The following TAPT1 variants were observed in gnomAD, a reference collection of about 807,000 sequenced individuals.
The protein encoded by TAPT1 is transmembrane anterior posterior transformation 1, also known as transmembrane anterior posterior transformation protein 1 homolog.
TAPT1 carries 28 observed loss-of-function variants against 65.6 expected under a neutral mutation model. The observed-to-expected ratio is 0.43, with a 90% CI of 0.32 to 0.59. The LOEUF (loss-of-function observed/expected upper bound fraction) is 0.59, where lower values mean the gene tolerates loss of function less well. TAPT1 is among the 20% of genes least tolerant of loss of function. The pLI is 0.09. For synonymous variants in TAPT1, 278 were observed against 245.2 expected (o/e 1.13, Z -1.25); for missense variants, 563 against 679.9 (o/e 0.83, Z 1.91).
At chr4:16,178,628 G>C (rs557556793) in intron 8 of TAPT1, among the ~76,000 whole-genome samples, 2 of 152,080 alleles carry the variant, frequency 1.3e-5, no homozygotes, top group Non-Finnish European at 2.9e-5. Context: ...TACAAATGTC[G>C]TAGTATTTTT....
At chr4:16,220,327 C>A (rs1751174301) in intron 1 of TAPT1, among the ~76,000 whole-genome samples, 2 of 152,200 alleles carry the variant, frequency 1.3e-5, no homozygotes, top group Admixed American at 1.3e-4. Flanking sequence ...CAGTCACTCT[C>A]ATTTGTTATG....
At chr4:16,195,653 A>G (rs1317799916) in intron 3 of TAPT1, among the ~76,000 whole-genome samples, 2 of 152,170 alleles carry the variant, frequency 1.3e-5, no homozygotes, top group Non-Finnish European at 2.9e-5. Context: ...TTCCATTTCC[A>G]TTGTATTTCT....
chr4:16,188,764 C>A (rs544658111), intron 4 of TAPT1, among the ~76,000 whole-genome samples: 153 of 152,014 alleles, frequency 1.0e-3, no homozygotes, highest in African/African-American at 3.4e-3. Flanking sequence ...ACTAAAAATA[C>A]AAAAAATTAG....
At chr4:16,188,448 GTT>G (rs1255271719) in intron 4 of TAPT1, 93 bp from the exon 5 acceptor site, 7 of 1,066,040 alleles carry the variant, frequency 6.6e-6, no homozygotes, top group Non-Finnish European at 7.8e-6. Context: ...GGAGATCTGT[GTT>G]TTAAATCCTA....
At chr4:16,192,979 A>G (rs1749461319) in intron 3 of TAPT1, among the ~76,000 whole-genome samples, 1 of 152,202 alleles carries the variant, frequency 6.6e-6, no homozygotes, top group Admixed American at 6.5e-5. Context: ...GGAATTTGTA[A>G]ATCTTCCAAA....
intron 12 of TAPT1, 130 bp from the exon 13 acceptor site, chr4:16,166,923 C>T (rs1747668890): frequency 2.5e-6 from 2 of 810,586 alleles, no homozygotes; most frequent in East Asian, 2.8e-5. Context: ...TTTAGAGGAA[C>T]TTACACAAAT....
intron 12 of TAPT1, among the ~76,000 whole-genome samples, chr4:16,168,879 T>A (rs1486995833): frequency 6.6e-6 from 1 of 152,192 alleles, no homozygotes; most frequent in Non-Finnish European, 1.5e-5. Flanking sequence ...CGGCAGAGGC[T>A]GGCAAGTCCT....
chr4:16,189,532 T>C (rs1433831881), intron 4 of TAPT1, among the ~76,000 whole-genome samples: 2 of 152,220 alleles, frequency 1.3e-5, no homozygotes, highest in Admixed American at 1.3e-4. Flanking sequence ...TGAAGTCTAT[T>C]TAATCCTCAT....
At chr4:16,208,958 G>A (rs1193014012) in intron 2 of TAPT1, among the ~76,000 whole-genome samples, 1 of 152,074 alleles carries the variant, frequency 6.6e-6, no homozygotes, top group Non-Finnish European at 1.5e-5. Flanking sequence ...CTGCCTCTGG[G>A]GCTCAAGCAA....
intron 8 of TAPT1, 159 bp from the exon 9 acceptor site, chr4:16,176,387 C>T: frequency 4.1e-6 from 2 of 485,356 alleles, no homozygotes; most frequent in Middle Eastern, 1.0e-3. Flanking sequence ...AAGAGCTATA[C>T]TGTATCAAGT....
At chr4:16,189,142 A>G (rs1201240084) in intron 4 of TAPT1, among the ~76,000 whole-genome samples, 2 of 152,142 alleles carry the variant, frequency 1.3e-5, no homozygotes, top group Non-Finnish European at 2.9e-5. Context: ...AATCTCCTTG[A>G]ATACAGTATA....
At chr4:16,221,630 CATAAAT>C in intron 1 of TAPT1, among the ~76,000 whole-genome samples, 1 of 152,206 alleles carries the variant, frequency 6.6e-6, no homozygotes, top group East Asian at 1.9e-4. Context: ...AATGAGTAAT[CATAAAT>C]ATATTTATAT....
At position 16,161,875 on chromosome 4, in the gene TAPT1, T is replaced by C. The variant is rs1372848074; in HGVS notation, c.*1433A>G. On this transcript the variant is annotated 3_prime_UTR_variant, in exon 14 of 14. Transcript: ENST00000405303. The stretch of plus-strand genomic sequence containing the variant: ...GCCTATGTATGTACGCCTGAAACAT[T>C]TGCATGAGAGCTAAACTTCAAAATC... The C allele has an allele frequency of 6.6e-6, 1 of 152,190 alleles. No individual in the cohort carries two copies. The highest frequency in any genetic ancestry group is 2.4e-5 in the African/African-American group (1 of 41,446). 9.4% of individuals were successfully genotyped at this position (152,190 alleles called of 1,614,324 possible).
At position 16,226,289 on chromosome 4, in the gene TAPT1, G is replaced by A; in HGVS notation, c.169C>T (p.Arg57Trp). 1 of 1,128,278 alleles carries A rather than the reference G, an allele frequency of 8.9e-7. No homozygotes were observed. The highest frequency in any genetic ancestry group is 1.1e-6 in the Non-Finnish European group (1 of 922,428). The allele number at this position is 1,128,278 out of a possible 1,614,324, so 69.9% of individuals were successfully genotyped here. The part of the protein sequence containing the change: ...TETLGFYESD[R>W]RRERRRGRTE... ...CGGCCCCGGCGCCTCTCCCGCCGCC[G>A]GTCGCTCTCGTAGAAGCCCAGCGTC... Residue 57 changes from arginine to tryptophan, a missense_variant, in exon 1 of 14, where the codon CGG becomes TGG. By Grantham distance (101) the Arg-to-Trp change is moderately radical. Around this residue, in one of 5 missense-constraint regions of TAPT1, gnomAD observed 103 missense variants for 89.4 expected, o/e 1.15. Transcript: ENST00000405303.
In TAPT1 at chr4:16,213,698, A is replaced by AT. The variant is rs992942612; in HGVS notation, c.330+69dup. 6.2e-5 allele frequency: 85 copies of AT among 1,369,122 alleles called. No individual in the cohort carries two copies. In the Middle Eastern group the frequency reaches 6.3e-4, roughly 10 times the overall value. The allele number at this position is 1,369,122 out of a possible 1,614,324, so 84.8% of individuals were successfully genotyped here. On this transcript the variant is annotated intron_variant, in intron 2 of 13. Transcript: ENST00000405303. ...AAAAACTCAACTCTAGCTGTTGACCATTTTTTTGCATAATTAATACTTTGA... is the reference window on the plus strand; with the variant it reads ...AAAAACTCAACTCTAGCTGTTGACCATTTTTTTTGCATAATTAATACTTTGA...
At chr4:16,195,537 A>G (rs925405492) in intron 3 of TAPT1, among the ~76,000 whole-genome samples, 3 of 152,252 alleles carry the variant, frequency 2.0e-5, no homozygotes, top group Non-Finnish European at 2.9e-5. Context: ...ATTTTTCAAC[A>G]TAAGACATTT....
At chr4:16,212,631 C>G (rs545714887) in intron 2 of TAPT1, among the ~76,000 whole-genome samples, 1 of 152,300 alleles carries the variant, frequency 6.6e-6, no homozygotes, top group South Asian at 2.1e-4. Flanking sequence ...CAGGCCCCCC[C>G]AGGGAACTCT....
chr4:16,222,107 G>A (rs1751286435), intron 1 of TAPT1, among the ~76,000 whole-genome samples: 1 of 152,190 alleles, frequency 6.6e-6, no homozygotes, highest in Non-Finnish European at 1.5e-5. Context: ...AATGAGAATA[G>A]AATATCATTA....
chr4:16,174,886 C>G, intron 9 of TAPT1, 157 bp from the exon 10 acceptor site: 1 of 523,690 alleles, frequency 1.9e-6, no homozygotes, highest in East Asian at 3.3e-5. Flanking sequence ...TGTTTTCCTA[C>G]AGTAAAGGTA....
Sources: gnomAD v4.1 joint callset for allele counts (sites outside exome capture counted in the v4.1 genomes callset) on GRCh38, gnomAD v4.1.1 for gene constraint, gnomAD v4.1.1 regional missense constraint, MANE v1.5 for transcripts, NCBI Gene and HGNC (gene_info 2026-07-23, HGNC 2026-07-21) for gene names.